The following SLC24A3 variants were observed in gnomAD, a reference collection of about 807,000 sequenced individuals.
The protein encoded by SLC24A3 is sodium/potassium/calcium exchanger 3.
Under a neutral mutation model 75.8 loss-of-function variants are expected in SLC24A3, and 28 were observed. That is an observed-to-expected ratio of 0.37 (90% CI 0.27 to 0.51). The LOEUF is 0.51. SLC24A3 is among the 20% of genes least tolerant of loss of function. The pLI, the probability that SLC24A3 is intolerant of heterozygous loss-of-function variation, is 0.94. For missense variants in SLC24A3, 663 were observed against 847.8 expected, an observed-to-expected ratio of 0.78 and a Z score of 2.71; for synonymous variants, 372 against 334.1, an observed-to-expected ratio of 1.11 and a Z score of -1.24.
chr20:19,597,694 C>A (rs1427495645), intron 6 of SLC24A3, among the ~76,000 whole-genome samples: 1 of 152,126 alleles, frequency 6.6e-6, no homozygotes, highest in African/African-American at 2.4e-5. Flanking sequence ...TATGTTTGTA[C>A]CCATTAACCA....
At chr20:19,588,018 A>G (rs903321582) in intron 6 of SLC24A3, among the ~76,000 whole-genome samples, 11 of 152,194 alleles carry the variant, frequency 7.2e-5, no homozygotes, top group African/African-American at 2.7e-4. Flanking sequence ...CAGACACAGG[A>G]TACTCAGTGG....
At chr20:19,438,606 C>T (rs1048744949) in intron 2 of SLC24A3, among the ~76,000 whole-genome samples, 1 of 152,124 alleles carries the variant, frequency 6.6e-6, no homozygotes, top group Non-Finnish European at 1.5e-5. Flanking sequence ...CAACAAGCTG[C>T]TCATTGGCCT....
intron 2 of SLC24A3, among the ~76,000 whole-genome samples, chr20:19,379,672 G>A (rs1986148904): frequency 6.6e-6 from 1 of 152,088 alleles, no homozygotes; most frequent in South Asian, 2.1e-4. Flanking sequence ...CTGCATAATA[G>A]TATAAAAAAT....
At chr20:19,555,534 A>G (rs1369933665) in intron 3 of SLC24A3, among the ~76,000 whole-genome samples, 2 of 152,234 alleles carry the variant, frequency 1.3e-5, no homozygotes, top group African/African-American at 4.8e-5. Flanking sequence ...GAAGTATTAC[A>G]AAAACCACTG....
intron 2 of SLC24A3, among the ~76,000 whole-genome samples, chr20:19,402,909 T>C (rs1044181590): frequency 6.6e-6 from 1 of 152,230 alleles, no homozygotes; most frequent in Non-Finnish European, 1.5e-5. Flanking sequence ...CAGTGGCCAC[T>C]GGCCACACAT....
At chr20:19,555,650 G>C (rs2030770534) in intron 3 of SLC24A3, among the ~76,000 whole-genome samples, 1 of 152,094 alleles carries the variant, frequency 6.6e-6, no homozygotes, top group Non-Finnish European at 1.5e-5. Context: ...TCAGTTTCTT[G>C]ATTTGAAGAC....
At chr20:19,556,456 A>G (rs1278750047) in intron 3 of SLC24A3, among the ~76,000 whole-genome samples, 2 of 152,124 alleles carry the variant, frequency 1.3e-5, no homozygotes, top group African/African-American at 4.8e-5. Context: ...TAATTTCACC[A>G]TTAAGTCATT....
At chr20:19,712,642 T>G (rs561825842) in intron 15 of SLC24A3, among the ~76,000 whole-genome samples, 1 of 152,284 alleles carries the variant, frequency 6.6e-6, no homozygotes, top group South Asian at 2.1e-4. Context: ...CGATCTTCAT[T>G]AATGGCTAGC....
chr20:19,393,681 T>A (rs536970272), intron 2 of SLC24A3, among the ~76,000 whole-genome samples: 57 of 152,268 alleles, frequency 3.7e-4, no homozygotes, highest in African/African-American at 1.3e-3. Flanking sequence ...CATTCAAAAC[T>A]ACAAAATGTT....
rs533183884 is a variant in SLC24A3, at chr20:19,720,584, T to A, written c.1786-407T>A. On this transcript the variant is annotated intron_variant, in intron 16 of 16. Coordinates refer to ENST00000328041, the MANE Select transcript of SLC24A3 (RefSeq NM_020689.4). ...CTCCAGACGCAGCCGTAGGAAGAGATGCAGCCGCCACCGCCTGAGGACTGA... is the reference window on the plus strand; with the variant it reads ...CTCCAGACGCAGCCGTAGGAAGAGAAGCAGCCGCCACCGCCTGAGGACTGA... Among the ~76,000 whole-genome samples, 405 of 152,094 alleles carry A rather than the reference T, an allele frequency of 2.7e-3. 1 individual carries two copies. The highest frequency in any genetic ancestry group is 9.5e-3 in the African/African-American group (395 of 41,464).
At chr20:19,548,823 G>A (rs1290615604) in intron 3 of SLC24A3, among the ~76,000 whole-genome samples, 1 of 152,236 alleles carries the variant, frequency 6.6e-6, no homozygotes, top group Non-Finnish European at 1.5e-5. Context: ...ACACCAAGGT[G>A]TGCACACATC....
intron 2 of SLC24A3, among the ~76,000 whole-genome samples, chr20:19,325,806 A>G (rs1984843108): frequency 1.0e-5 from 1 of 96,218 alleles, no homozygotes; most frequent in Non-Finnish European, 2.0e-5. Context: ...AGAGAGAGAG[A>G]GAGAGAGAGA....
intron 1 of SLC24A3, among the ~76,000 whole-genome samples, chr20:19,251,114 C>T (rs1408678139): frequency 6.6e-6 from 1 of 152,216 alleles, no homozygotes; most frequent in African/African-American, 2.4e-5. Flanking sequence ...TGACTTTTGT[C>T]ATGCAGCTGC....
intron 16 of SLC24A3, among the ~76,000 whole-genome samples, chr20:19,719,314 A>G (rs1243296710): frequency 6.6e-6 from 1 of 152,218 alleles, no homozygotes; most frequent in Admixed American, 6.5e-5. Flanking sequence ...CAGGAAAAAA[A>G]GTGTTATTTT....
chr20:19,331,062 A>G (rs1457030148), intron 2 of SLC24A3, among the ~76,000 whole-genome samples: 1 of 152,242 alleles, frequency 6.6e-6, no homozygotes, highest in African/African-American at 2.4e-5. Flanking sequence ...ACATTAGAGG[A>G]GACCAGGGAG....
chr20:19,504,359 T>C (rs1007627927), intron 2 of SLC24A3, among the ~76,000 whole-genome samples: 3 of 152,212 alleles, frequency 2.0e-5, no homozygotes, highest in African/African-American at 7.2e-5. Flanking sequence ...ATGTCATTGA[T>C]TTTGAAACCT....
intron 3 of SLC24A3, among the ~76,000 whole-genome samples, chr20:19,541,154 C>T (rs1446177901): frequency 6.6e-6 from 1 of 152,184 alleles, no homozygotes; most frequent in African/African-American, 2.4e-5. Context: ...AACCTTACAG[C>T]AAGATGTACC....
At chr20:19,357,120 A>G (rs1985700359) in intron 2 of SLC24A3, among the ~76,000 whole-genome samples, 1 of 152,124 alleles carries the variant, frequency 6.6e-6, no homozygotes, top group Non-Finnish European at 1.5e-5. Flanking sequence ...CTTGTAAGAG[A>G]GAGGCAGTGG....
At chr20:19,598,337 C>G (rs1351050589) in intron 6 of SLC24A3, among the ~76,000 whole-genome samples, 1 of 152,186 alleles carries the variant, frequency 6.6e-6, no homozygotes, top group Non-Finnish European at 1.5e-5. Context: ...ATTAACCTTT[C>G]CAGATGGTGT....
Sources: allele counts gnomAD v4.1 joint callset (sites outside exome capture counted in the v4.1 genomes callset), GRCh38; gene constraint gnomAD v4.1.1; transcripts MANE v1.5; gene names NCBI Gene and HGNC (gene_info 2026-07-23, HGNC 2026-07-21).